The following AOC3 variants were observed in gnomAD, a reference collection of about 807,000 sequenced individuals.
AOC3 encodes the protein amine oxidase [copper-containing] 3.
AOC3 carries 47 observed loss-of-function variants against 55.4 expected under a neutral mutation model. The ratio of observed to expected loss-of-function variants is 0.85; its 90% CI spans 0.67 to 1.08. The LOEUF (loss-of-function observed/expected upper bound fraction) is 1.08. AOC3 is among the 50% of genes least tolerant of loss of function. The probability of loss-of-function intolerance (pLI) is 0.00; values close to 1 mark genes in which losing one functional copy is unlikely to be tolerated. For synonymous variants in AOC3, 386 were observed against 410.7 expected (o/e 0.94, Z 0.73); for missense variants, 853 against 993.1 (o/e 0.86, Z 1.90).
rs756384382 is a variant in AOC3, at chr17:42,851,982, G to A, written c.639G>A (p.Thr213=). 8.7e-6 allele frequency: 14 copies of A among 1,613,626 alleles called. No homozygotes were observed. Among genetic ancestry groups the A allele is most frequent in the South Asian group, 5.5e-5 (5 of 91,076 alleles). ...GACGGAACCTGGTGACAATGACCAC[G>A]GCTCCCCGTGGTCTGCAATCAGGGG... is the stretch of plus-strand genomic sequence containing the variant. ...HRGRNLVTMT[T]APRGLQSGDR... The change falls in exon 1 of 4, where the codon ACG becomes ACA. Residue 213 remains threonine (T), a synonymous_variant. Transcript: ENST00000308423.
intron 1 of AOC3, 102 bp from the exon 2 acceptor site, chr17:42,854,346 C>G (rs914473687): frequency 1.7e-6 from 2 of 1,186,716 alleles, no homozygotes; most frequent in Admixed American, 3.0e-5. Flanking sequence ...ACACTCAGTT[C>G]TGGGCTGCTC....
At chr17:42,856,251 A>G (rs751283309) in intron 3 of AOC3, 24 bp from the exon 4 acceptor site, 41 of 1,610,284 alleles carry the variant, frequency 2.5e-5, no homozygotes, top group Non-Finnish European at 3.1e-5. Context: ...AGACCTCGTG[A>G]TCCTCTTTCT....
rs2055658396 is a variant in AOC3 at position 42,851,228 on chromosome 17, C to T, written c.-116C>T. ...CCAGGCATCTGACTACCGGGAACCTCAGCCAGAGTCCGGGAGCCCCCCACC... is the reference window on the plus strand; with the variant it reads ...CCAGGCATCTGACTACCGGGAACCTTAGCCAGAGTCCGGGAGCCCCCCACC... On this transcript the variant is annotated 5_prime_UTR_variant, in exon 1 of 4. Coordinates refer to ENST00000308423, the MANE Select transcript of AOC3 (RefSeq NM_003734.4). The T allele has an allele frequency of 1.7e-6, 2 of 1,200,552 alleles. No individual in the cohort carries two copies. The highest frequency in any genetic ancestry group is 2.3e-6 in the Non-Finnish European group (2 of 859,242). The allele number at this position is 1,200,552 out of a possible 1,614,324, so 74.4% of individuals were successfully genotyped here. A position where few individuals can be genotyped will look rare whatever the true frequency, so the allele number is the denominator to read the frequency against.
chr17:42,851,292 GAGAATACATTGCT>G lies in AOC3; in HGVS notation c.-51_-39del. On this transcript the variant is annotated 5_prime_UTR_variant, in exon 1 of 4. Transcript: ENST00000308423. ...AACAGAGCCCCCGTCTTGCTGGCGTGAGAATACATTGCTCTCCTTTGGTTGAATCAGCTGTCCC... is the reference window on the plus strand; with the variant it reads ...AACAGAGCCCCCGTCTTGCTGGCGTGCTCCTTTGGTTGAATCAGCTGTCCC... 1 of 1,535,834 alleles carries G rather than the reference GAGAATACATTGCT, an allele frequency of 6.5e-7. No individual in the cohort carries two copies. Among genetic ancestry groups the G allele is most frequent in the Non-Finnish European group, 8.8e-7 (1 of 1,137,584 alleles).
At position 42,856,820 on chromosome 17, in the gene AOC3, AG is replaced by A; in HGVS notation, c.*273del. ...ATGGCCCAGCCTGGAGCCGTGGCCG[AG>A]GGCTTCCCTAGATGGTTCCCTTTGT... On this transcript the variant is annotated 3_prime_UTR_variant, in exon 4 of 4. Coordinates refer to ENST00000308423, the MANE Select transcript of AOC3 (RefSeq NM_003734.4). 1.9e-6 allele frequency: 1 copy of A among 521,174 alleles called. No homozygotes were observed. 32.3% of individuals were successfully genotyped at this position (521,174 alleles called of 1,614,324 possible).
At chr17:42,854,970 C>G (rs1291443882) in intron 2 of AOC3, among the ~76,000 whole-genome samples, 1 of 151,880 alleles carries the variant, frequency 6.6e-6, no homozygotes, top group Non-Finnish European at 1.5e-5. Context: ...CCTCAGCCTC[C>G]CCAGTAGCTG....
At position 42,852,007 on chromosome 17, in the gene AOC3, G is replaced by C; in HGVS notation, c.664G>C (p.Asp222His). 3.7e-6 allele frequency: 6 copies of C among 1,613,852 alleles called. No homozygotes were observed. The highest frequency in any genetic ancestry group is 5.1e-6 in the Non-Finnish European group (6 of 1,179,876). ...GGCTCCCCGTGGTCTGCAATCAGGG[G>C]ACCGGGCCACCTGGTTTGGCCTCTA... ...TTAPRGLQSGDRATWFGLYYN... is the reference protein window; with the variant it reads ...TTAPRGLQSGHRATWFGLYYN... Residue 222 changes from aspartate (D) to histidine (H), a missense_variant, in exon 1 of 4, where the codon GAC becomes CAC. Physicochemically the swap from Asp to His is moderately conservative, Grantham distance 81. Coordinates refer to ENST00000308423, the MANE Select transcript of AOC3 (RefSeq NM_003734.4).
At position 42,857,504 on chromosome 17, in the gene AOC3, A is replaced by G. The variant is rs1267504696; in HGVS notation, c.*954A>G. ...AGTGGAAACAAAGGGTGGGCATCAA[A>G]GATGAGAAGCCAAAGCCCCTACAAC... is the stretch of plus-strand genomic sequence containing the variant. On this transcript the variant is annotated 3_prime_UTR_variant, in exon 4 of 4. Transcript: ENST00000308423. 6.6e-6 allele frequency: 1 copy of G among 152,348 alleles called. No individual in the cohort carries two copies. The highest frequency in any genetic ancestry group is 1.5e-5 in the Non-Finnish European group (1 of 68,048). 9.4% of individuals were successfully genotyped at this position (152,348 alleles called of 1,614,324 possible).
Position 42,851,899 on chromosome 17 carries a change from A to G in AOC3, c.556A>G (p.Arg186Gly), listed in dbSNP as rs755795896. ...YLDIDQMIFN[R>G]ELPQASGLLH... ...GGACATAGACCAGATGATCTTCAAC[A>G]GAGAGCTGCCCCAGGCTTCTGGGCT... Residue 186 changes from arginine to glycine, a missense_variant, in exon 1 of 4, where the codon AGA becomes GGA. By Grantham distance (125) the Arg-to-Gly change is moderately radical. Transcript: ENST00000308423. 1.2e-6 allele frequency: 2 copies of G among 1,613,724 alleles called. No individual in the cohort carries two copies. The highest frequency in any genetic ancestry group is 3.3e-5 in the Admixed American group (2 of 60,022).
At position 42,851,454 on chromosome 17, in the gene AOC3, G is replaced by C. The variant is rs570107590; in HGVS notation, c.111G>C (p.Gln37His). The C allele has an allele frequency of 6.1e-5, 98 of 1,614,250 alleles. 1 individual carries two copies. In the South Asian group the frequency reaches 1.0e-3, roughly 17 times the overall value. Residue 37 changes from glutamine (Q) to histidine (H), a missense_variant, in exon 1 of 4, where the codon CAG (glutamine) becomes CAC (histidine). By Grantham distance (24) the Gln-to-His change is conservative. Coordinates refer to ENST00000308423, the MANE Select transcript of AOC3 (RefSeq NM_003734.4). Reference protein sequence around the residue: ...GRGGDGGEPSQLPHCPSVSPS... With the variant: ...GRGGDGGEPSHLPHCPSVSPS... The stretch of plus-strand genomic sequence containing the variant: ...GTGGAGATGGGGGTGAACCCAGCCA[G>C]CTTCCCCATTGCCCCTCTGTATCTC...
chr17:42,856,809 A>G lies in AOC3; in HGVS notation c.*259A>G, dbSNP rs927324523. 7 of 540,562 alleles carry G rather than the reference A, an allele frequency of 1.3e-5. No individual in the cohort carries two copies. Among genetic ancestry groups the G allele is most frequent in the African/African-American group, 3.8e-5 (2 of 52,858 alleles). The allele number at this position is 540,562 out of a possible 1,614,324, so 33.5% of individuals were successfully genotyped here. A position where few individuals can be genotyped will look rare whatever the true frequency, so the allele number is the denominator to read the frequency against. Reference sequence around the variant, plus strand: ...AGAGGCCAGGCATGGCCCAGCCTGGAGCCGTGGCCGAGGGCTTCCCTAGAT... The same window carrying G: ...AGAGGCCAGGCATGGCCCAGCCTGGGGCCGTGGCCGAGGGCTTCCCTAGAT... On this transcript the variant is annotated 3_prime_UTR_variant, in exon 4 of 4. Transcript: ENST00000308423.
intron 1 of AOC3, among the ~76,000 whole-genome samples, chr17:42,853,890 C>A (rs1278910129): frequency 6.6e-6 from 1 of 152,262 alleles, no homozygotes; most frequent in African/African-American, 2.4e-5. Flanking sequence ...CACAGCTACA[C>A]CCAAATTCTC....
At chr17:42,853,610 GTTTTA>G (rs1169158451) in intron 1 of AOC3, among the ~76,000 whole-genome samples, 3 of 151,618 alleles carry the variant, frequency 2.0e-5, no homozygotes, top group South Asian at 4.2e-4. Flanking sequence ...TTTTGGTTTT[GTTTTA>G]TTTTGTTTTG....
In AOC3 at chr17:42,851,231, C is replaced by G; in HGVS notation, c.-113C>G. 7.9e-7 allele frequency: 1 copy of G among 1,258,628 alleles called. No homozygotes were observed. Among genetic ancestry groups the G allele is most frequent in the East Asian group, 2.4e-5 (1 of 42,308 alleles). 78.0% of individuals were successfully genotyped at this position (1,258,628 alleles called of 1,614,324 possible). ...GGCATCTGACTACCGGGAACCTCAGCCAGAGTCCGGGAGCCCCCCACCCCG... is the reference window on the plus strand; with the variant it reads ...GGCATCTGACTACCGGGAACCTCAGGCAGAGTCCGGGAGCCCCCCACCCCG... On this transcript the variant is annotated 5_prime_UTR_variant, in exon 1 of 4. Coordinates refer to ENST00000308423, the MANE Select transcript of AOC3 (RefSeq NM_003734.4).
In AOC3 at chr17:42,852,523, T is replaced by C; in HGVS notation, c.1180T>C (p.Tyr394His). The change falls in exon 1 of 4, where the codon TAC (tyrosine) becomes CAC (histidine). Residue 394 changes from tyrosine to histidine, a missense_variant. Tyr to His is a moderately conservative substitution (Grantham distance 83, BLOSUM62 2). Transcript: ENST00000308423. ...GGATGGAGGCTTTGGCATGGGCAAG[T>C]ACACCACGCCCCTGACCCGTGGGGT... is the stretch of plus-strand genomic sequence containing the variant. ...YVDGGFGMGK[Y>H]TTPLTRGVDC... 6.2e-7 allele frequency: 1 copy of C among 1,614,200 alleles called. No homozygotes were observed. The highest frequency in any genetic ancestry group is 8.5e-7 in the Non-Finnish European group (1 of 1,180,040).
intron 3 of AOC3, 148 bp downstream of exon 3, chr17:42,855,721 C>T (rs2055740536): frequency 3.5e-6 from 4 of 1,142,352 alleles, no homozygotes; most frequent in Non-Finnish European, 5.0e-6. Context: ...GGGAACCTTC[C>T]TGAGCTGGGT....
chr17:42,854,792 G>A (rs1002472101), intron 2 of AOC3, 59 bp downstream of exon 2: 47 of 1,405,478 alleles, frequency 3.3e-5, no homozygotes, highest in African/African-American at 5.9e-5. Flanking sequence ...GAGTGTTGGC[G>A]GACACTCAGC....
rs564301600 is a variant in AOC3, at chr17:42,851,724, C to T, written c.381C>T (p.Ile127=). The change falls in exon 1 of 4, where the codon ATC becomes ATT. Residue 127 remains isoleucine (I), a synonymous_variant. Transcript: ENST00000308423. ...SPPPAREALA[I]VFFGRQPQPN... is the part of the protein sequence containing the mutation. ...CACCTGCCCGGGAGGCACTGGCCAT[C>T]GTCTTCTTTGGCAGGCAACCCCAGC... 2.1e-4 allele frequency: 345 copies of T among 1,612,184 alleles called. No individual in the cohort carries two copies. The highest frequency in any genetic ancestry group is 3.5e-4 in the African/African-American group (26 of 75,030).
In AOC3 at chr17:42,855,448, C is replaced by T. The variant is rs1688418294; in HGVS notation, c.1891C>T (p.Gln631Ter). 1.2e-6 allele frequency: 2 copies of T among 1,603,906 alleles called. No individual in the cohort carries two copies. Among genetic ancestry groups the T allele is most frequent in the Admixed American group, 3.5e-5 (2 of 57,732 alleles). Reference sequence around the variant, plus strand: ...GCCTGACCAGTGCCTCCCTAGGTACCAGCTGGCTGTGACCCAGCGGAAGGA... The same window carrying T: ...GCCTGACCAGTGCCTCCCTAGGTACTAGCTGGCTGTGACCCAGCGGAAGGA... ...MARGFSWERYQLAVTQRKEEE... is the reference protein window; with the variant it reads ...MARGFSWERY The change falls in exon 3 of 4, where the codon CAG becomes TAG. Residue 631 changes from glutamine (Q) to a stop codon, truncating the protein, a stop_gained. Coordinates refer to ENST00000308423, the MANE Select transcript of AOC3 (RefSeq NM_003734.4). LOFTEE classifies it high-confidence loss of function.
Sources: allele counts gnomAD v4.1 joint callset (sites outside exome capture counted in the v4.1 genomes callset), GRCh38; gene constraint gnomAD v4.1.1; transcripts MANE v1.5; gene names NCBI Gene and HGNC (gene_info 2026-07-23, HGNC 2026-07-21).